Variants in HSPG2 observed in about 807,000 individuals in gnomAD.
HSPG2 encodes basement membrane-specific heparan sulfate proteoglycan core protein.
In HSPG2, 278 loss-of-function variants were observed where a neutral mutation model predicts 526.6. The observed-to-expected ratio is 0.53, with a 90% confidence interval of 0.48 to 0.58. The LOEUF (loss-of-function observed/expected upper bound fraction) is 0.58, where lower values mean the gene tolerates loss of function less well. HSPG2 is among the 20% of genes least tolerant of loss of function. The pLI is 0.00. For missense variants in HSPG2, 5,354 were observed against 6,099.5 expected, an observed-to-expected ratio of 0.88 and a Z score of 4.07; for synonymous variants, 2,465 against 2,555.4, an observed-to-expected ratio of 0.96 and a Z score of 1.07.
intron 55 of HSPG2, 65 bp from the exon 56 acceptor site, chr1:21,850,563 C>G (rs1638814392): frequency 6.7e-7 from 1 of 1,487,920 alleles, no homozygotes. Context: ...AACCTGCAAC[C>G]CTGCCTCACT....
In HSPG2 at chr1:21,859,890, A is replaced by G. The variant is rs1236553525; in HGVS notation, c.5127T>C (p.Tyr1709=). ...QVSGSPPHYF[Y]WSREDGRPVP... ...CAGGCCGCCCATCCTCACGGGACCA[A>G]TAGAAGTAGTGGGGTGGGCTCCCAC... Residue 1709 remains tyrosine, a synonymous_variant, in exon 41 of 97, where the codon TAT becomes TAC. Coordinates refer to ENST00000374695, the MANE Select transcript of HSPG2 (RefSeq NM_005529.7). This position sits in a 1 kb window ranked among gnomAD's most constrained non-coding sequence, Gnocchi z 5.3. 1 of 1,611,058 alleles carries G rather than the reference A, an allele frequency of 6.2e-7. No homozygotes were observed. The highest frequency in any genetic ancestry group is 8.5e-7 in the Non-Finnish European group (1 of 1,179,524).
rs1308128283 is a variant in HSPG2, at chr1:21,904,496, T to C, written c.64-8186A>G. Among the ~76,000 whole-genome samples the C allele has an allele frequency of 6.6e-6, 1 of 152,052 alleles. No individual in the cohort carries two copies. ...CCCCTCAGTTGTGCTGCTGACCCGG[T>C]GCTAGTCACAGAGGCCAAGTCTCCC... On this transcript the variant is annotated intron_variant, in intron 1 of 96. Coordinates refer to ENST00000374695, the MANE Select transcript of HSPG2 (RefSeq NM_005529.7). This position sits in a 1 kb window ranked among gnomAD's most constrained non-coding sequence, Gnocchi z 4.4.
At chr1:21,879,987 G>A in intron 17 of HSPG2, 120 bp downstream of exon 17, 1 of 1,195,708 alleles carries the variant, frequency 8.4e-7, no homozygotes, top group South Asian at 1.3e-5. Context: ...GGTCATGATA[G>A]TTCATCTGGC....
chr1:21,919,818 A>G (rs144267275), intron 1 of HSPG2, among the ~76,000 whole-genome samples: 17 of 152,312 alleles, frequency 1.1e-4, no homozygotes, highest in East Asian at 5.8e-4. Context: ...ACATAAAGGG[A>G]TTACTGCACA....
rs1211001916 is a variant in HSPG2, at chr1:21,848,662, C to T, written c.7718G>A (p.Ser2573Asn). The T allele has an allele frequency of 1.2e-6, 2 of 1,613,378 alleles. No homozygotes were observed. Among genetic ancestry groups the T allele is most frequent in the Middle Eastern group, 1.7e-4 (1 of 5,724 alleles). Residue 2573 changes from serine (S) to asparagine (N), a missense_variant, in exon 59 of 97, where the codon AGC (serine) becomes AAC (asparagine). Transcript: ENST00000374695. The surrounding 1 kb of genome is among the most constrained non-coding windows in gnomAD (Gnocchi z 4.9). Reference sequence around the variant, plus strand: ...CTGTACCTGGTGCCGGCTGGGTAAGCTGCCTCCACGCTTATACCAGGTGAT... The same window carrying T: ...CTGTACCTGGTGCCGGCTGGGTAAGTTGCCTCCACGCTTATACCAGGTGAT... ...HTITWYKRGG[S>N]LPSRHQIVGS...
At chr1:21,889,073 G>A (rs528760338) in intron 6 of HSPG2, among the ~76,000 whole-genome samples, 5 of 152,284 alleles carry the variant, frequency 3.3e-5, no homozygotes, top group South Asian at 2.1e-4. Context: ...CTACAGGCGC[G>A]CACCACCACG....
rs1163463287 is a variant in HSPG2, at chr1:21,872,331, A to T, written c.4076T>A (p.Val1359Glu). The T allele has an allele frequency of 6.3e-7, 1 of 1,581,616 alleles. No individual in the cohort carries two copies. The highest frequency in any genetic ancestry group is 1.8e-5 in the Admixed American group (1 of 55,432). ...CAGGCGGCTGTTTCGCTGTGGGTTC[A>T]CCAGGGCAAAGCCTTGGAAGTCCCC... The part of the protein sequence containing the change: ...APGDFQGFAL[V>E]NPQRNSRLTG... Residue 1359 changes from valine to glutamate, a missense_variant, in exon 33 of 97, where the codon GTG (valine) becomes GAG (glutamate). Physicochemically the swap from Val to Glu is moderately radical, Grantham distance 121. Coordinates refer to ENST00000374695, the MANE Select transcript of HSPG2 (RefSeq NM_005529.7). The surrounding 1 kb of genome is among the most constrained non-coding windows in gnomAD (Gnocchi z 5.5).
At chr1:21,885,532 GC>G in intron 9 of HSPG2, 81 bp from the exon 10 acceptor site, 1 of 1,548,988 alleles carries the variant, frequency 6.5e-7, no homozygotes, top group Non-Finnish European at 8.8e-7. Context: ...CTCTCATCTT[GC>G]CCACATAACC....
chr1:21,875,819 A>G (rs1271769904), intron 24 of HSPG2, 44 bp downstream of exon 24: 1 of 1,607,892 alleles, frequency 6.2e-7, no homozygotes, highest in East Asian at 2.2e-5. Context: ...GGCAGGAGCA[A>G]GGGCCTGCCC....
At chr1:21,881,916 T>G (rs1284248636) in intron 13 of HSPG2, among the ~76,000 whole-genome samples, 5 of 132,736 alleles carry the variant, frequency 3.8e-5, no homozygotes, top group Non-Finnish European at 7.6e-5. Flanking sequence ...GTACTCCAGC[T>G]TGGGTGACAG....
intron 33 of HSPG2, among the ~76,000 whole-genome samples, chr1:21,870,503 G>A (rs909976757): frequency 6.6e-6 from 1 of 152,212 alleles, no homozygotes; most frequent in Non-Finnish European, 1.5e-5. Context: ...TGCACACAGA[G>A]GGTTCATGGT....
Position 21,839,043 on chromosome 1 carries a change from T to C in HSPG2, c.9932A>G (p.Gln3311Arg). The C allele has an allele frequency of 1.3e-6, 2 of 1,597,828 alleles. No homozygotes were observed. Among genetic ancestry groups the C allele is most frequent in the Non-Finnish European group, 1.7e-6 (2 of 1,167,298 alleles). Residue 3311 changes from glutamine (Q) to arginine (R), a missense_variant, in exon 74 of 97, where the codon CAG (glutamine) becomes CGG (arginine). Transcript: ENST00000374695. This position sits in a 1 kb window ranked among gnomAD's most constrained non-coding sequence, Gnocchi z 4.5. The stretch of plus-strand genomic sequence containing the variant: ...CTGGAGCTGCACCGTCTCCCCTGCC[T>C]GCACCGAAGCGTGCTCTGGGACCGT... ...ATTVPEHASV[Q>R]AGETVQLQCL...
At position 21,864,154 on chromosome 1, in the gene HSPG2, T is replaced by C. The variant is rs1640039528; in HGVS notation, c.4686A>G (p.Leu1562=). ...GSGLYLGHCE[L]CECNGHSDLC... is the part of the protein sequence containing the mutation. ...GGTCTGAGTGGCCATTGCATTCACA[T>C]AGCTCGCAGTGGCCGAGGTAGAGCC... is the stretch of plus-strand genomic sequence containing the variant. Residue 1562 remains leucine (L), a synonymous_variant, in exon 37 of 97, where the codon CTA becomes CTG. Transcript: ENST00000374695. The surrounding 1 kb of genome is among the most constrained non-coding windows in gnomAD (Gnocchi z 4.8). The C allele has an allele frequency of 3.2e-6, 5 of 1,556,860 alleles. No individual in the cohort carries two copies. In the East Asian group the frequency reaches 9.7e-5, roughly 30 times the overall value.
chr1:21,885,339 C>A lies in HSPG2; in HGVS notation c.1191G>T (p.Arg397=), dbSNP rs1367414005. Residue 397 remains arginine (R), a synonymous_variant, in exon 10 of 97, where the codon CGG becomes CGT. Coordinates refer to ENST00000374695, the MANE Select transcript of HSPG2 (RefSeq NM_005529.7). ...HCDEESDCPD[R]SDEFGCMPPQ... ...GCTCACTGCAGCCAAACTCGTCGCT[C>A]CGGTCAGGACAGTCGCTCTCCTCGT... The A allele has an allele frequency of 1.2e-6, 2 of 1,614,020 alleles. No homozygotes were observed. Among genetic ancestry groups the A allele is most frequent in the Non-Finnish European group, 1.7e-6 (2 of 1,179,978 alleles).
chr1:21,860,352 G>T, intron 39 of HSPG2, 117 bp from the exon 40 acceptor site: 1 of 890,246 alleles, frequency 1.1e-6, no homozygotes, highest in Non-Finnish European at 1.8e-6. Context: ...GAGGCTCGGA[G>T]CTCTGGAAGC....
In HSPG2 at chr1:21,887,632, A is replaced by C; in HGVS notation, c.746T>G (p.Val249Gly). 1 of 1,613,952 alleles carries C rather than the reference A, an allele frequency of 6.2e-7. No homozygotes were observed. The highest frequency in any genetic ancestry group is 8.5e-7 in the Non-Finnish European group (1 of 1,179,984). Residue 249 changes from valine (V) to glycine (G), a missense_variant, in exon 8 of 97, where the codon GTG (valine) becomes GGG (glycine). Physicochemically the swap from Val to Gly is moderately radical, Grantham distance 109. Transcript: ENST00000374695. This position sits in a 1 kb window ranked among gnomAD's most constrained non-coding sequence, Gnocchi z 5.0. ...CCGGGGCGGTAAAGATGTCGTCTCC[A>C]CAAGGAGAGAGAATGTGGGGCTGAT... is the stretch of plus-strand genomic sequence containing the variant. ...LGISPTFSLL[V>G]ETTSLPPRPE...
At chr1:21,873,565 A>C in intron 29 of HSPG2, 141 bp from the exon 30 acceptor site, 1 of 903,770 alleles carries the variant, frequency 1.1e-6, no homozygotes, top group Admixed American at 1.9e-5. Flanking sequence ...TTACGGGGAA[A>C]CTGGGCAGAG....
chr1:21,861,386 G>A (rs1557737263), intron 39 of HSPG2, among the ~76,000 whole-genome samples: 1 of 152,054 alleles, frequency 6.6e-6, no homozygotes, highest in Non-Finnish European at 1.5e-5. Context: ...GGCTGGGCAT[G>A]GTGGCTCACG....
rs759470183 is a variant in HSPG2, at chr1:21,861,782, C to T, written c.4930G>A (p.Gly1644Ser). The T allele has an allele frequency of 1.9e-5, 31 of 1,613,836 alleles. No homozygotes were observed. Among genetic ancestry groups the T allele is most frequent in the Admixed American group, 1.2e-4 (7 of 59,984 alleles). ...TGCTCACAGTACTGGCCAGTGTAGCCGGGTTCGCAGGCCGTGCAGCGGTAC... is the reference window on the plus strand; with the variant it reads ...TGCTCACAGTACTGGCCAGTGTAGCTGGGTTCGCAGGCCGTGCAGCGGTAC... ...GGYRCTACEPGYTGQYCEQCG... is the reference protein window; with the variant it reads ...GGYRCTACEPSYTGQYCEQCG... The change falls in exon 39 of 97, where the codon GGC (glycine) becomes AGC (serine). Residue 1644 changes from glycine to serine, a missense_variant. Physicochemically the swap from Gly to Ser is moderately conservative, Grantham distance 56. Transcript: ENST00000374695.
Sources: allele counts gnomAD v4.1 joint callset (sites outside exome capture counted in the v4.1 genomes callset), GRCh38; gene constraint gnomAD v4.1.1; non-coding constraint Gnocchi (gnomAD v3.1); transcripts MANE v1.5; gene names NCBI Gene and HGNC (gene_info 2026-07-23, HGNC 2026-07-21).